The following AGGF1 variants were observed in gnomAD, a reference collection of about 807,000 sequenced individuals.
AGGF1 encodes the protein angiogenic factor with G-patch and FHA domains 1, also known as angiogenic factor with G patch and FHA domains 1.
A neutral mutation model predicts 86.5 loss-of-function variants in AGGF1; 56 were observed. That is an observed-to-expected ratio of 0.65 (90% confidence interval 0.52 to 0.81). The LOEUF is 0.81. Among genes scored for constraint, AGGF1 ranks in the 30% least tolerant of loss-of-function variants. AGGF1 has a pLI of 0.00. For synonymous variants in AGGF1, 313 were observed against 297.1 expected, an observed-to-expected ratio of 1.05 and a Z score of -0.55; for missense variants, 816 against 850.9, an observed-to-expected ratio of 0.96 and a Z score of 0.51.
At chr5:77,032,266 A>AAC in intron 1 of AGGF1, among the ~76,000 whole-genome samples, 1 of 150,460 alleles carries the variant, frequency 6.6e-6, no homozygotes, top group Non-Finnish European at 1.5e-5. Context: ...AAAAAAAAAA[A>AAC]AAAAAAAACA....
intron 4 of AGGF1, among the ~76,000 whole-genome samples, chr5:77,039,155 G>A (rs985683075): frequency 6.6e-6 from 1 of 151,896 alleles, no homozygotes; most frequent in African/African-American, 2.4e-5. Context: ...GCGCTCATAT[G>A]GTCAGCTTTT....
intron 5 of AGGF1, among the ~76,000 whole-genome samples, chr5:77,045,525 G>C (rs1273112972): frequency 6.6e-6 from 1 of 152,114 alleles, no homozygotes; most frequent in African/African-American, 2.4e-5. Flanking sequence ...ACTTATGCCA[G>C]GCAAGTTAAA....
In AGGF1 at chr5:77,030,527, T is replaced by A; in HGVS notation, c.-240T>A. 1 of 685,668 alleles carries A rather than the reference T, an allele frequency of 1.5e-6. No individual in the cohort carries two copies. The highest frequency in any genetic ancestry group is 2.7e-6 in the Non-Finnish European group (1 of 374,982). 42.5% of individuals were successfully genotyped at this position (685,668 alleles called of 1,614,324 possible). On this transcript the variant is annotated 5_prime_UTR_variant, in exon 1 of 14. Coordinates refer to ENST00000312916, the MANE Select transcript of AGGF1 (RefSeq NM_018046.5). ...GAGAAGGTAGTTTCCAGGAAAGTTT[T>A]CCGGTTTGCAGGCCGCGCACATCGG...
intron 2 of AGGF1, among the ~76,000 whole-genome samples, chr5:77,034,823 C>A (rs1401588332): frequency 6.6e-6 from 1 of 152,126 alleles, no homozygotes; most frequent in Non-Finnish European, 1.5e-5. Flanking sequence ...TCCTTGTGAC[C>A]AGGGGCATTT....
chr5:77,055,994 G>A (rs992500971), intron 11 of AGGF1, among the ~76,000 whole-genome samples: 2 of 152,100 alleles, frequency 1.3e-5, no homozygotes, highest in Non-Finnish European at 1.5e-5. Flanking sequence ...GCAATATAGC[G>A]AGATCTTATC....
chr5:77,058,159 C>G (rs745983165), intron 11 of AGGF1, among the ~76,000 whole-genome samples: 10 of 152,166 alleles, frequency 6.6e-5, no homozygotes, highest in Admixed American at 2.6e-4. Context: ...ATCCCAAAAG[C>G]ATCTCATTGT....
intron 2 of AGGF1, 33 bp downstream of exon 2, chr5:77,034,553 T>C: frequency 7.5e-7 from 1 of 1,336,278 alleles, no homozygotes; most frequent in Non-Finnish European, 1.1e-6. Context: ...ATGCTAACAC[T>C]GTTACATTCA....
chr5:77,053,458 G>A (rs559567211), intron 9 of AGGF1, among the ~76,000 whole-genome samples: 2 of 152,328 alleles, frequency 1.3e-5, no homozygotes, highest in South Asian at 4.1e-4. Flanking sequence ...GGTGGAGGTT[G>A]CAGTGAGCCG....
Position 77,063,245 on chromosome 5 carries a change from T to C in AGGF1, c.2138T>C (p.Leu713Ser), listed in dbSNP as rs751796864. The C allele has an allele frequency of 3.3e-5, 54 of 1,613,138 alleles. No homozygotes were observed. The highest frequency in any genetic ancestry group is 4.3e-5 in the Non-Finnish European group (51 of 1,179,604). ...ACCATGCCTTGGGTAAAAGGGACTT[T>C]AGAGTGAAGGCTAATCATAGAAAAA... ...PGTMPWVKGT[L>S]E is the part of the protein sequence containing the mutation. The change falls in exon 14 of 14, where the codon TTA (leucine) becomes TCA (serine). Residue 713 changes from leucine (L) to serine (S), a missense_variant. Physicochemically the swap from Leu to Ser is moderately radical, Grantham distance 145. This residue lies in a region of AGGF1 where 565 missense variants were observed against 585.8 expected (regional missense o/e 0.96). Coordinates refer to ENST00000312916, the MANE Select transcript of AGGF1 (RefSeq NM_018046.5).
chr5:77,048,151 T>C lies in AGGF1; in HGVS notation c.1202-10T>C. ...TTAAATTAATATTTACTCACTTCTT[T>C]CCTTGGCAGATGAAGACAAAATTTG... On this transcript the variant is annotated splice_polypyrimidine_tract_variant and intron_variant, in intron 6 of 13. Coordinates refer to ENST00000312916, the MANE Select transcript of AGGF1 (RefSeq NM_018046.5). The C allele has an allele frequency of 6.5e-7, 1 of 1,540,184 alleles. No homozygotes were observed. The highest frequency in any genetic ancestry group is 9.0e-7 in the Non-Finnish European group (1 of 1,113,596).
intron 9 of AGGF1, among the ~76,000 whole-genome samples, chr5:77,053,629 A>G (rs1054787958): frequency 6.6e-6 from 1 of 152,178 alleles, no homozygotes; most frequent in African/African-American, 2.4e-5. Flanking sequence ...TGATGCATTT[A>G]TCCCATTCTC....
intron 2 of AGGF1, among the ~76,000 whole-genome samples, chr5:77,035,006 A>G (rs967842537): frequency 6.6e-6 from 1 of 152,206 alleles, no homozygotes. Context: ...CATCTTTCCT[A>G]TTAAGTTTTG....
intron 7 of AGGF1, 45 bp from the exon 8 acceptor site, chr5:77,048,891 A>G (rs749276868): frequency 2.6e-6 from 4 of 1,562,240 alleles, no homozygotes; most frequent in South Asian, 1.1e-5. Context: ...CACTTTATAT[A>G]ATATGCTTCA....
chr5:77,061,553 C>T, intron 12 of AGGF1, 150 bp from the exon 13 acceptor site: 1 of 657,882 alleles, frequency 1.5e-6, no homozygotes, highest in Non-Finnish European at 2.6e-6. Flanking sequence ...GGATATGTAC[C>T]AGTGGAATTT....
At position 77,054,142 on chromosome 5, in the gene AGGF1, A is replaced by G. The variant is rs1167237030; in HGVS notation, c.1633+12A>G. ...AGATGAATCTTTTGGTATGTGAAACAGATTAAATGTGGCTGTGATAACATT... is the reference window on the plus strand; with the variant it reads ...AGATGAATCTTTTGGTATGTGAAACGGATTAAATGTGGCTGTGATAACATT... On this transcript the variant is annotated intron_variant, in intron 10 of 13. Coordinates refer to ENST00000312916, the MANE Select transcript of AGGF1 (RefSeq NM_018046.5). 1 of 1,614,110 alleles carries G rather than the reference A, an allele frequency of 6.2e-7. No homozygotes were observed. Among genetic ancestry groups the G allele is most frequent in the African/African-American group, 1.3e-5 (1 of 75,068 alleles).
intron 5 of AGGF1, among the ~76,000 whole-genome samples, chr5:77,044,021 TGGC>T (rs1489830601): frequency 1.1e-4 from 12 of 111,140 alleles, no homozygotes; most frequent in Non-Finnish European, 1.9e-4. Flanking sequence ...CTAGATGTGA[TGGC>T]GGCTGGGAAG....
At chr5:77,055,378 A>G in intron 10 of AGGF1, 136 bp from the exon 11 acceptor site, 1 of 645,870 alleles carries the variant, frequency 1.5e-6, no homozygotes, top group Non-Finnish European at 2.8e-6. Context: ...AATATCCTTT[A>G]TATTAATGTT....
In AGGF1 at chr5:77,061,764, G is replaced by A. The variant is rs1200261984; in HGVS notation, c.1906G>A (p.Glu636Lys). The A allele has an allele frequency of 6.2e-7, 1 of 1,613,854 alleles. No homozygotes were observed. The highest frequency in any genetic ancestry group is 1.7e-5 in the Admixed American group (1 of 60,018). The change falls in exon 13 of 14, where the codon GAG becomes AAG. Residue 636 changes from glutamate (E) to lysine (K), a missense_variant. By Grantham distance (56) the Glu-to-Lys change is moderately conservative (BLOSUM62 1). This residue lies in a region of AGGF1 where 565 missense variants were observed against 585.8 expected (regional missense o/e 0.96). Transcript: ENST00000312916. ...MLEKMGWKKG[E>K]GLGKDGGGMK... is the part of the protein sequence containing the mutation. ...GGAGAAGATGGGTTGGAAGAAAGGA[G>A]AGGGCCTGGGGAAGGATGGTGGAGG...
chr5:77,052,953 G>GA (rs1747400941), intron 9 of AGGF1, 146 bp downstream of exon 9: 2 of 717,126 alleles, frequency 2.8e-6, no homozygotes, highest in South Asian at 1.7e-5. Flanking sequence ...CAGAAAGGCT[G>GA]AAAAAAGTGT....
Sources: allele counts gnomAD v4.1 joint callset (sites outside exome capture counted in the v4.1 genomes callset), GRCh38; gene constraint gnomAD v4.1.1; regional missense constraint gnomAD v4.1.1; transcripts MANE v1.5; gene names NCBI Gene and HGNC (gene_info 2026-07-23, HGNC 2026-07-21).